Variants in RIMS2 observed in about 807,000 individuals in gnomAD.
RIMS2 encodes the protein regulating synaptic membrane exocytosis protein 2.
In RIMS2, 59 loss-of-function variants were observed where a neutral mutation model predicts 174.4. The ratio of observed to expected loss-of-function variants is 0.34; its 90% CI spans 0.27 to 0.42. The LOEUF (loss-of-function observed/expected upper bound fraction) is 0.42. Ranked by LOEUF, RIMS2 falls within the 10% of genes least tolerant of loss-of-function variation. The probability of loss-of-function intolerance (pLI) is 1.00; values close to 1 mark genes in which losing one functional copy is unlikely to be tolerated. For synonymous variants in RIMS2, 606 were observed against 572.5 expected (o/e 1.06, Z -0.84); for missense variants, 1,620 against 1,666.3 (o/e 0.97, Z 0.48).
At chr8:103,573,070 T>A (rs369050544) in intron 1 of RIMS2, among the ~76,000 whole-genome samples, 137 of 152,096 alleles carry the variant, frequency 9.0e-4, no homozygotes, top group African/African-American at 3.2e-3. Context: ...AATCCAATTT[T>A]TTTTTTCTAG....
intron 3 of RIMS2, among the ~76,000 whole-genome samples, chr8:103,802,984 G>GT (rs2098624344): frequency 6.6e-6 from 1 of 152,050 alleles, no homozygotes; most frequent in African/African-American, 2.4e-5. Flanking sequence ...CATCATGGTG[G>GT]TTTTTTACTT....
At chr8:103,966,561 A>G (rs923941362) in intron 15 of RIMS2, among the ~76,000 whole-genome samples, 2 of 152,004 alleles carry the variant, frequency 1.3e-5, no homozygotes, top group African/African-American at 2.4e-5. Context: ...AATCTTTTTA[A>G]AGAACCAGAT....
At chr8:103,673,410 T>C (rs2096769987) in intron 1 of RIMS2, among the ~76,000 whole-genome samples, 1 of 152,202 alleles carries the variant, frequency 6.6e-6, no homozygotes, top group Non-Finnish European at 1.5e-5. Flanking sequence ...TTAGGAGGCT[T>C]CCGCGTGGAC....
intron 19 of RIMS2, among the ~76,000 whole-genome samples, chr8:104,189,298 G>A (rs1240910572): frequency 1.3e-5 from 2 of 151,838 alleles, no homozygotes; most frequent in African/African-American, 4.8e-5. Context: ...TTTGGCACTA[G>A]AGACACATTC....
chr8:103,544,549 C>A (rs1325957505), intron 1 of RIMS2, among the ~76,000 whole-genome samples: 1 of 152,190 alleles, frequency 6.6e-6, no homozygotes, highest in Admixed American at 6.5e-5. Context: ...TACCCTCCCC[C>A]ACCTCTTACA....
At chr8:103,519,551 T>C (rs759482080) in intron 1 of RIMS2, among the ~76,000 whole-genome samples, 2 of 152,124 alleles carry the variant, frequency 1.3e-5, no homozygotes, top group Non-Finnish European at 2.9e-5. Flanking sequence ...ATTTCTCTGA[T>C]TCATGGTTAA....
At chr8:104,232,781 T>C (rs1369776828) in intron 19 of RIMS2, among the ~76,000 whole-genome samples, 2 of 152,198 alleles carry the variant, frequency 1.3e-5, no homozygotes, top group Non-Finnish European at 2.9e-5. Flanking sequence ...TTTGGAAAAG[T>C]AGTGCCTCAA....
chr8:104,059,411 A>G (rs944563914), intron 19 of RIMS2, among the ~76,000 whole-genome samples: 2 of 151,324 alleles, frequency 1.3e-5, no homozygotes, highest in African/African-American at 2.4e-5. Context: ...ATTTTTGTAC[A>G]TTGATTTTGT....
intron 3 of RIMS2, among the ~76,000 whole-genome samples, chr8:103,803,852 GTCTTTGAGCCACA>G (rs1245860825): frequency 1.3e-5 from 2 of 152,134 alleles, no homozygotes; most frequent in African/African-American, 2.4e-5. Context: ...GAGGACCTAA[GTCTTTGAGCCACA>G]AGGAACTGAG....
chr8:104,225,247 T>G (rs530991651), intron 19 of RIMS2, among the ~76,000 whole-genome samples: 19 of 152,226 alleles, frequency 1.2e-4, no homozygotes, highest in African/African-American at 4.3e-4. Flanking sequence ...GGGAGAGAGT[T>G]CCGAAATTTG....
chr8:103,706,393 G>C (rs2097226503), intron 2 of RIMS2, among the ~76,000 whole-genome samples: 1 of 152,050 alleles, frequency 6.6e-6, no homozygotes, highest in African/African-American at 2.4e-5. Context: ...ATACCAGTGA[G>C]TTTTATACCT....
At chr8:103,888,867 TA>T (rs1443558042) in intron 4 of RIMS2, among the ~76,000 whole-genome samples, 2 of 151,676 alleles carry the variant, frequency 1.3e-5, no homozygotes, top group Non-Finnish European at 3.0e-5. Context: ...CTCATTTATT[TA>T]ATCATTTGTT....
intron 1 of RIMS2, among the ~76,000 whole-genome samples, chr8:103,563,222 T>C (rs2091874320): frequency 6.6e-6 from 1 of 152,240 alleles, no homozygotes; most frequent in Admixed American, 6.5e-5. Context: ...TTTTCTTTTC[T>C]ATCACATTAT....
chr8:103,831,404 A>G (rs1564812146), intron 3 of RIMS2, among the ~76,000 whole-genome samples: 1 of 152,148 alleles, frequency 6.6e-6, no homozygotes, highest in Non-Finnish European at 1.5e-5. Flanking sequence ...GGAAACACTC[A>G]TTGGAGAAAA....
chr8:103,515,108 C>A (rs1173184354), intron 1 of RIMS2, among the ~76,000 whole-genome samples: 1 of 152,072 alleles, frequency 6.6e-6, no homozygotes, highest in Non-Finnish European at 1.5e-5. Context: ...GAAATTTCCT[C>A]TGATAATGAG....
chr8:104,057,000 T>C (rs78445309), intron 19 of RIMS2, among the ~76,000 whole-genome samples: 5,387 of 152,088 alleles, frequency 0.035, 131 homozygotes, highest in Non-Finnish European at 0.05. Context: ...CACTGTACTC[T>C]GCAGGCATAA....
intron 1 of RIMS2, among the ~76,000 whole-genome samples, chr8:103,643,816 A>G (rs545574715): frequency 1.3e-5 from 2 of 151,646 alleles, no homozygotes; most frequent in East Asian, 3.9e-4. Context: ...GCTTGAGTTG[A>G]GTTTCCTTTC....
At chr8:103,737,145 A>G (rs1250627582) in intron 2 of RIMS2, among the ~76,000 whole-genome samples, 1 of 127,408 alleles carries the variant, frequency 7.8e-6, no homozygotes, top group African/African-American at 2.9e-5. Flanking sequence ...TCTAGGCATA[A>G]TTTTTCCTTT....
At chr8:103,523,427 G>C (rs1014721303) in intron 1 of RIMS2, among the ~76,000 whole-genome samples, 2 of 151,968 alleles carry the variant, frequency 1.3e-5, no homozygotes, top group African/African-American at 4.8e-5. Context: ...TGGTGAGTTA[G>C]GATTGAGTCA....
Sources: gnomAD v4.1 joint callset for allele counts (sites outside exome capture counted in the v4.1 genomes callset) on GRCh38, gnomAD v4.1.1 for gene constraint, MANE v1.5 for transcripts, NCBI Gene and HGNC (gene_info 2026-07-23, HGNC 2026-07-21) for gene names.